The following NAV2 variants were observed in gnomAD, a reference collection of about 807,000 sequenced individuals.
NAV2 encodes helicase, APC down-regulated 1.
In NAV2, 54 loss-of-function variants were observed where a neutral mutation model predicts 223.2. The observed-to-expected ratio is 0.24, with a 90% CI of 0.19 to 0.30. The LOEUF (loss-of-function observed/expected upper bound fraction) is 0.30, where lower values mean the gene tolerates loss of function less well. Among genes scored for constraint, NAV2 ranks in the 10% least tolerant of loss-of-function variants. NAV2 has a pLI of 1.00. For missense variants in NAV2, 2,806 were observed against 3,147.5 expected, an observed-to-expected ratio of 0.89 and a Z score of 2.60; for synonymous variants, 1,279 against 1,239.3, an observed-to-expected ratio of 1.03 and a Z score of -0.67.
intron 1 of NAV2, among the ~76,000 whole-genome samples, chr11:19,461,830 T>A (rs1410897881): frequency 6.6e-6 from 1 of 152,228 alleles, no homozygotes; most frequent in Non-Finnish European, 1.5e-5. Context: ...AACAGATGTG[T>A]GTGTGTGGAA....
chr11:19,934,557 G>A (rs2045673543), intron 7 of NAV2, among the ~76,000 whole-genome samples: 1 of 152,194 alleles, frequency 6.6e-6, no homozygotes, highest in Non-Finnish European at 1.5e-5. Context: ...CCCAGGCCTT[G>A]TAGCAGCAGC....
At chr11:19,884,474 C>T in intron 5 of NAV2, 2 of 868,546 alleles carry the variant, frequency 2.3e-6, no homozygotes, top group South Asian at 1.6e-5. Flanking sequence ...TTCATGTTTG[C>T]AGTTCGAGAA....
intron 1 of NAV2, among the ~76,000 whole-genome samples, chr11:19,417,763 G>A (rs1590167064): frequency 6.6e-6 from 1 of 152,094 alleles, no homozygotes; most frequent in East Asian, 1.9e-4. Context: ...ATGGAATACT[G>A]GGTAAATAAT....
At chr11:19,355,070 C>T (rs1209666314) in intron 1 of NAV2, among the ~76,000 whole-genome samples, 2 of 152,134 alleles carry the variant, frequency 1.3e-5, no homozygotes, top group Non-Finnish European at 2.9e-5. Context: ...TTGTTCAGTG[C>T]TCTAAGAACC....
chr11:20,012,558 C>G (rs1402856911), intron 11 of NAV2, among the ~76,000 whole-genome samples: 8 of 152,004 alleles, frequency 5.3e-5, no homozygotes, highest in Admixed American at 6.6e-5. Context: ...GCCTGTAATC[C>G]TAGCTACTCG....
chr11:20,088,291 C>T (rs548890700), intron 26 of NAV2, among the ~76,000 whole-genome samples: 1 of 152,328 alleles, frequency 6.6e-6, no homozygotes, highest in South Asian at 2.1e-4. Flanking sequence ...GATTCTCCTG[C>T]CTCAGCCTCC....
chr11:19,351,481 T>A (rs768689424), intron 1 of NAV2, among the ~76,000 whole-genome samples: 1 of 152,236 alleles, frequency 6.6e-6, no homozygotes, highest in Non-Finnish European at 1.5e-5. Flanking sequence ...CTGCACTCTT[T>A]GGCCCTATCT....
chr11:19,630,987 A>T (rs1185938162), intron 1 of NAV2, among the ~76,000 whole-genome samples: 1 of 151,418 alleles, frequency 6.6e-6, no homozygotes. Flanking sequence ...ATTTGGTAAA[A>T]CACCAGTTTA....
rs755555490 is a variant in NAV2 at position 19,764,276 on chromosome 11, A to G, written c.267+50314A>G. ...CATGCATTTTATAATTAAGTACTGC[A>G]TAAGAAAAAGTATTGTAATGAAAAC... On this transcript the variant is annotated intron_variant, in intron 1 of 37. Coordinates refer to ENST00000349880, the MANE Select transcript of NAV2 (RefSeq NM_145117.5). Among the ~76,000 whole-genome samples the G allele has an allele frequency of 4.6e-4, 70 of 152,348 alleles. 1 individual carries two copies. Among genetic ancestry groups the G allele is most frequent in the Admixed American group, 4.5e-3 (69 of 15,314 alleles).
At chr11:19,411,065 T>C (rs1187637264) in intron 1 of NAV2, among the ~76,000 whole-genome samples, 2 of 152,162 alleles carry the variant, frequency 1.3e-5, no homozygotes, top group Non-Finnish European at 2.9e-5. Context: ...GCACAGCAAT[T>C]GGCACACACG....
At chr11:19,956,398 T>C (rs201899105) in intron 10 of NAV2, among the ~76,000 whole-genome samples, 1 of 141,212 alleles carries the variant, frequency 7.1e-6, no homozygotes, top group Non-Finnish European at 1.6e-5. Context: ...ACACACACGC[T>C]CTCTCTCTCT....
At chr11:19,762,845 C>A (rs915831508) in intron 1 of NAV2, among the ~76,000 whole-genome samples, 1 of 152,050 alleles carries the variant, frequency 6.6e-6, no homozygotes, top group Admixed American at 6.5e-5. Context: ...ATTTCTTGAC[C>A]TTGTGATCCG....
At chr11:20,024,222 T>C (rs1013829478) in intron 11 of NAV2, among the ~76,000 whole-genome samples, 27 of 152,194 alleles carry the variant, frequency 1.8e-4, no homozygotes, top group African/African-American at 6.5e-4. Context: ...ATTCAGCTTG[T>C]TTCTGGAAGG....
At chr11:19,833,404 G>C (rs1168668459) in intron 2 of NAV2, among the ~76,000 whole-genome samples, 2 of 152,228 alleles carry the variant, frequency 1.3e-5, no homozygotes, top group African/African-American at 4.8e-5. Context: ...CATAGTTGGA[G>C]CTCTGCTCAA....
chr11:19,683,308 A>C (rs1364292180), intron 1 of NAV2, among the ~76,000 whole-genome samples: 1 of 152,166 alleles, frequency 6.6e-6, no homozygotes, highest in Non-Finnish European at 1.5e-5. Context: ...TGCGGGGTGT[A>C]ACAGAAAGCC....
chr11:19,388,647 C>G (rs1008656655), intron 1 of NAV2, among the ~76,000 whole-genome samples: 3 of 152,098 alleles, frequency 2.0e-5, no homozygotes. Flanking sequence ...TGCTTGACCC[C>G]GAATGCTGCT....
intron 6 of NAV2, among the ~76,000 whole-genome samples, chr11:19,893,319 C>T (rs537573805): frequency 6.6e-6 from 1 of 152,290 alleles, no homozygotes; most frequent in Admixed American, 6.5e-5. Context: ...CAAAAAGAGG[C>T]AGAGCCTTCC....
At chr11:19,857,128 T>G (rs1483847298) in intron 3 of NAV2, among the ~76,000 whole-genome samples, 1 of 152,252 alleles carries the variant, frequency 6.6e-6, no homozygotes, top group Non-Finnish European at 1.5e-5. Context: ...TGTGGTCTAG[T>G]GCTTCTTCCA....
At chr11:19,942,109 C>A (rs2403544) in intron 8 of NAV2, among the ~76,000 whole-genome samples, 119,594 of 152,252 alleles carry the variant, frequency 0.79, 47,400 homozygotes, top group Non-Finnish European at 0.83. Context: ...GTTTTAAGAC[C>A]TCTCCATATC....
Sources: gnomAD v4.1 joint callset for allele counts (sites outside exome capture counted in the v4.1 genomes callset) on GRCh38, gnomAD v4.1.1 for gene constraint, MANE v1.5 for transcripts, NCBI Gene and HGNC (gene_info 2026-07-23, HGNC 2026-07-21) for gene names.